MAML2: variants seen among roughly 807,000 people sequenced by gnomAD.
MAML2 encodes mastermind-like protein 2.
A neutral mutation model predicts 96.1 loss-of-function variants in MAML2; 22 were observed. That is an observed-to-expected ratio of 0.23 (90% CI 0.16 to 0.33). The LOEUF is 0.33. Among genes scored for constraint, MAML2 ranks in the 10% least tolerant of loss-of-function variants. The pLI is 1.00. For missense variants in MAML2, 1,367 were observed against 1,392.4 expected (o/e 0.98, Z 0.29); for synonymous variants, 561 against 521.3 (o/e 1.08, Z -1.04).
chr11:96,195,298 G>C (rs2135925096), intron 1 of MAML2, among the ~76,000 whole-genome samples: 1 of 152,308 alleles, frequency 6.6e-6, no homozygotes, highest in South Asian at 2.1e-4. Flanking sequence ...ATGTTTACAG[G>C]AACACCTAAA....
At chr11:96,189,813 C>G (rs1040720910) in intron 1 of MAML2, among the ~76,000 whole-genome samples, 1 of 152,162 alleles carries the variant, frequency 6.6e-6, no homozygotes, top group Non-Finnish European at 1.5e-5. Context: ...GAGGAAATAG[C>G]TTTAAAAACT....
intron 1 of MAML2, among the ~76,000 whole-genome samples, chr11:96,248,253 C>T (rs1242928495): frequency 1.3e-5 from 2 of 151,654 alleles, no homozygotes; most frequent in Non-Finnish European, 2.9e-5. Flanking sequence ...GCTGGGACTA[C>T]AGGCACCTGC....
At chr11:96,135,977 C>T (rs1463482216) in intron 1 of MAML2, among the ~76,000 whole-genome samples, 2 of 152,062 alleles carry the variant, frequency 1.3e-5, no homozygotes. Flanking sequence ...TAATTTTGAA[C>T]TAAACTTTAG....
chr11:96,141,387 CAA>C (rs1227133028), intron 1 of MAML2, among the ~76,000 whole-genome samples: 1 of 152,084 alleles, frequency 6.6e-6, no homozygotes, highest in Non-Finnish European at 1.5e-5. Context: ...TACAAAGGAG[CAA>C]AAGATTCCCT....
chr11:96,069,267 C>T (rs907498103), intron 2 of MAML2, among the ~76,000 whole-genome samples: 18 of 150,080 alleles, frequency 1.2e-4, no homozygotes, highest in African/African-American at 4.4e-4. Flanking sequence ...TTCCTCCCTT[C>T]CTCTCTTTCT....
intron 1 of MAML2, among the ~76,000 whole-genome samples, chr11:96,255,029 C>T (rs557357272): frequency 3.3e-5 from 5 of 152,190 alleles, no homozygotes; most frequent in Middle Eastern, 3.4e-3. Flanking sequence ...CCCCAAGTTG[C>T]CCATGCTGGT....
At chr11:96,278,829 T>G (rs1295996316) in intron 1 of MAML2, among the ~76,000 whole-genome samples, 2 of 152,196 alleles carry the variant, frequency 1.3e-5, no homozygotes, top group African/African-American at 4.8e-5. Context: ...AAGATCACAC[T>G]GGCAGCTGCA....
intron 2 of MAML2, among the ~76,000 whole-genome samples, chr11:96,053,921 A>G (rs1859024563): frequency 6.6e-6 from 1 of 151,982 alleles, no homozygotes; most frequent in African/African-American, 2.4e-5. Context: ...TGTATCTGTG[A>G]CTCAGAAATG....
intron 2 of MAML2, among the ~76,000 whole-genome samples, chr11:96,045,324 A>T (rs1858879545): frequency 6.6e-6 from 1 of 152,176 alleles, no homozygotes; most frequent in Non-Finnish European, 1.5e-5. Flanking sequence ...GAATCAGAAA[A>T]GAACTGAGGC....
intron 1 of MAML2, among the ~76,000 whole-genome samples, chr11:96,304,263 T>C (rs1461950436): frequency 6.6e-6 from 1 of 152,158 alleles, no homozygotes; most frequent in African/African-American, 2.4e-5. Flanking sequence ...CTGACTCCTA[T>C]CATAGTCATG....
intron 1 of MAML2, among the ~76,000 whole-genome samples, chr11:96,331,484 G>C (rs561078400): frequency 6.6e-6 from 1 of 151,966 alleles, no homozygotes; most frequent in East Asian, 1.9e-4. Flanking sequence ...GTTCTTGGAG[G>C]CTTTCTCTTT....
At chr11:96,085,411 G>A (rs1388098976) in intron 2 of MAML2, among the ~76,000 whole-genome samples, 2 of 152,048 alleles carry the variant, frequency 1.3e-5, no homozygotes. Flanking sequence ...ATGGGTTTTT[G>A]CCTCCTTTGG....
chr11:96,240,226 T>C (rs1862414436), intron 1 of MAML2, among the ~76,000 whole-genome samples: 2 of 152,172 alleles, frequency 1.3e-5, no homozygotes, highest in Admixed American at 6.5e-5. Flanking sequence ...TCCAGGTTTT[T>C]CCTGACATAC....
chr11:95,995,137 G>A (rs561548168), intron 2 of MAML2, among the ~76,000 whole-genome samples: 1 of 152,316 alleles, frequency 6.6e-6, no homozygotes, highest in African/African-American at 2.4e-5. Flanking sequence ...GTTTACGTTT[G>A]TTTTCATTGT....
intron 1 of MAML2, among the ~76,000 whole-genome samples, chr11:96,147,243 C>A (rs1460535596): frequency 1.3e-5 from 2 of 152,176 alleles, no homozygotes; most frequent in Non-Finnish European, 2.9e-5. Context: ...ACTATAATCT[C>A]CCAGCTACCC....
chr11:96,222,728 C>G (rs1174656633), intron 1 of MAML2, among the ~76,000 whole-genome samples: 1 of 152,244 alleles, frequency 6.6e-6, no homozygotes, highest in Admixed American at 6.5e-5. Context: ...TAATATTAAA[C>G]AATTCCTATG....
intron 1 of MAML2, among the ~76,000 whole-genome samples, chr11:96,341,137 A>G (rs573752152): frequency 6.6e-6 from 1 of 152,238 alleles, no homozygotes; most frequent in East Asian, 1.9e-4. Flanking sequence ...GAGCCTCTGG[A>G]AAACTCAGGC....
At chr11:96,283,258 C>G (rs1001711604) in intron 1 of MAML2, among the ~76,000 whole-genome samples, 8 of 152,180 alleles carry the variant, frequency 5.3e-5, no homozygotes, top group Admixed American at 4.6e-4. Context: ...ACCAAAAATG[C>G]AATTACAGTT....
chr11:96,338,116 C>T (rs757241399), intron 1 of MAML2, among the ~76,000 whole-genome samples: 5 of 152,300 alleles, frequency 3.3e-5, no homozygotes, highest in Non-Finnish European at 7.4e-5. Context: ...GAGCTTGTCT[C>T]AGGCAAAAGG....
Sources: gnomAD v4.1 joint callset for allele counts (sites outside exome capture counted in the v4.1 genomes callset) on GRCh38, gnomAD v4.1.1 for gene constraint, MANE v1.5 for transcripts, NCBI Gene and HGNC (gene_info 2026-07-23, HGNC 2026-07-21) for gene names.